TMEM165: variants seen among roughly 807,000 people sequenced by gnomAD.
TMEM165 encodes putative divalent cation/proton antiporter TMEM165.
Under a neutral mutation model 30.0 loss-of-function variants are expected in TMEM165, and 19 were observed. That is an observed-to-expected ratio of 0.63 (90% confidence interval 0.44 to 0.93). The LOEUF (loss-of-function observed/expected upper bound fraction) is 0.93. Ranked by LOEUF, TMEM165 falls within the 40% of genes least tolerant of loss-of-function variation. TMEM165 has a pLI of 0.00. For missense variants in TMEM165, 340 were observed against 417.0 expected, an observed-to-expected ratio of 0.82 and a Z score of 1.61; for synonymous variants, 168 against 162.9, an observed-to-expected ratio of 1.03 and a Z score of -0.24.
intron 1 of TMEM165, among the ~76,000 whole-genome samples, chr4:55,400,276 TA>T (rs1354883746): frequency 0.014 from 1,484 of 106,566 alleles, 18 homozygotes; most frequent in Middle Eastern, 0.047. Context: ...ATATATAATA[TA>T]ATATTATATA....
At chr4:55,410,495 G>A (rs1721445663) in intron 1 of TMEM165, among the ~76,000 whole-genome samples, 1 of 151,944 alleles carries the variant, frequency 6.6e-6, no homozygotes, top group Non-Finnish European at 1.5e-5. Context: ...TGCAACCTCC[G>A]CCTCCCAGGT....
At position 55,396,262 on chromosome 4, in the gene TMEM165, C is replaced by CT; in HGVS notation, c.74dup (p.Trp26ValfsTer12). The CT allele has an allele frequency of 6.6e-7, 1 of 1,519,118 alleles. No homozygotes were observed. The highest frequency in any genetic ancestry group is 2.0e-5 in the Admixed American group (1 of 49,052). 94.1% of individuals were successfully genotyped at this position (1,519,118 alleles called of 1,614,324 possible). A position where few individuals can be genotyped will look rare whatever the true frequency, so the allele number is the denominator to read the frequency against. ...GCTTCTGCTCTTTCTGGTTCCGCTG[C>CT]TGTGGGCCCCGGCTGCGGTCCGGGC... On this transcript the variant is annotated frameshift_variant, in exon 1 of 6. Transcript: ENST00000381334. LOFTEE classifies it high-confidence loss of function.
intron 3 of TMEM165, chr4:55,442,446 C>G: frequency 6.2e-7 from 1 of 1,607,768 alleles, no homozygotes; most frequent in African/African-American, 1.4e-5. Context: ...TCTGCCTGTC[C>G]TGAGTGAATG....
intron 3 of TMEM165, among the ~76,000 whole-genome samples, chr4:55,440,771 G>A (rs945717135): frequency 8.6e-5 from 13 of 151,966 alleles, no homozygotes; most frequent in South Asian, 2.1e-4. Flanking sequence ...ATCTGCTTTC[G>A]TGTAACTCAC....
chr4:55,426,829 G>C (rs1722223395), downstream of TMEM165, among the ~76,000 whole-genome samples: 1 of 152,186 alleles, frequency 6.6e-6, no homozygotes, highest in Admixed American at 6.5e-5. Flanking sequence ...CTACTGTGGA[G>C]ATCTTAAGAG....
intron 1 of TMEM165, 99 bp from the exon 2 acceptor site, chr4:55,411,515 A>C: frequency 9.2e-7 from 1 of 1,091,372 alleles, no homozygotes; most frequent in Non-Finnish European, 1.3e-6. Flanking sequence ...TGTAATGACC[A>C]TGACAAGAAA....
chr4:55,419,737 A>C (rs189999163), intron 4 of TMEM165, among the ~76,000 whole-genome samples: 4 of 152,140 alleles, frequency 2.6e-5, no homozygotes, highest in East Asian at 1.9e-4. Flanking sequence ...AATTGTTTCT[A>C]ATTCCTTGGA....
chr4:55,403,802 T>C (rs1721149990), intron 1 of TMEM165, among the ~76,000 whole-genome samples: 1 of 152,192 alleles, frequency 6.6e-6, no homozygotes, highest in Admixed American at 6.5e-5. Flanking sequence ...CTGTACTGTC[T>C]GCCTTTTTCA....
At chr4:55,420,133 ATTTATTTATTTAT>A (rs1356299738) in intron 4 of TMEM165, among the ~76,000 whole-genome samples, 1,626 of 52,258 alleles carry the variant, frequency 0.031, 91 homozygotes, top group East Asian at 0.13. Context: ...ATATATATTT[ATTTATTTATTTAT>A]TTTATTTATT....
At chr4:55,402,795 C>CTTTTTTTTTTTTTTTTTTTTTTTTTTTT (rs71194554) in intron 1 of TMEM165, among the ~76,000 whole-genome samples, 1 of 71,400 alleles carries the variant, frequency 1.4e-5, no homozygotes, top group Non-Finnish European at 2.4e-5. Context: ...TTAAAAAAAG[C>CTTTTTTTTTTTTTTTTTTTTTTTTTTTT]TTTTTTTTTT....
chr4:55,448,586 G>A (rs1448511695), intron 3 of TMEM165, among the ~76,000 whole-genome samples: 6 of 74,656 alleles, frequency 8.0e-5, no homozygotes, highest in African/African-American at 9.1e-5. Context: ...ATATATGTGC[G>A]CGCGCGCACG....
intron 3 of TMEM165, chr4:55,450,280 G>A: frequency 6.2e-7 from 1 of 1,610,290 alleles, no homozygotes; most frequent in East Asian, 2.2e-5. Context: ...TCAGTTCAGA[G>A]ATCTCAAATT....
chr4:55,398,244 A>C (rs1720814225), intron 1 of TMEM165, among the ~76,000 whole-genome samples: 1 of 152,246 alleles, frequency 6.6e-6, no homozygotes, highest in Non-Finnish European at 1.5e-5. Context: ...GTACTCAGGA[A>C]GAAGTTGAAT....
intron 3 of TMEM165, among the ~76,000 whole-genome samples, chr4:55,437,590 T>C (rs1290252920): frequency 6.6e-6 from 1 of 152,346 alleles, no homozygotes; most frequent in East Asian, 1.9e-4. Flanking sequence ...AAATAACAGC[T>C]AGCCATGTGC....
chr4:55,411,660 C>T lies in TMEM165; in HGVS notation c.254C>T (p.Pro85Leu). ...CCAGTTCATACCAATAAAGAAGATC[C>T]TGCTACCCAAACTAATTTGGGATTT... is the stretch of plus-strand genomic sequence containing the variant. The part of the protein sequence containing the change: ...AAPVHTNKED[P>L]ATQTNLGFIH... Residue 85 changes from proline (P) to leucine (L), a missense_variant, in exon 2 of 6, where the codon CCT becomes CTT. Transcript: ENST00000381334. 6.2e-7 allele frequency: 1 copy of T among 1,614,094 alleles called. No homozygotes were observed. The highest frequency in any genetic ancestry group is 8.5e-7 in the Non-Finnish European group (1 of 1,180,014).
chr4:55,411,984 C>T (rs1721521679), intron 2 of TMEM165, 145 bp downstream of exon 2: 2 of 679,964 alleles, frequency 2.9e-6, no homozygotes, highest in African/African-American at 3.6e-5. Flanking sequence ...CCTTGTGTAT[C>T]CTTTCCTTGT....
chr4:55,435,296 C>A, intron 3 of TMEM165: 3 of 1,178,930 alleles, frequency 2.5e-6, no homozygotes, highest in South Asian at 2.6e-5. Context: ...GGAACTAGAA[C>A]ACTCAATACT....
chr4:55,443,427 G>A (rs955672070), intron 3 of TMEM165, among the ~76,000 whole-genome samples: 1 of 147,940 alleles, frequency 6.8e-6, no homozygotes, highest in South Asian at 2.2e-4. Flanking sequence ...GTAATCTAAG[G>A]TCACGCCATT....
In TMEM165 at chr4:55,439,080, T is replaced by G. The variant is rs566822986; in HGVS notation, c.409-13159T>G. On this transcript the variant is annotated intron_variant, in intron 3 of 3. Transcript: ENST00000608091. ...ACAGAGTAAAAAGGTAACTGTCCCA[T>G]CCCACAGATGGGAGAAAATATCTGC... Among the ~76,000 whole-genome samples the G allele has an allele frequency of 7.2e-5, 11 of 152,264 alleles. No homozygotes were observed. In the East Asian group the frequency reaches 1.4e-3, roughly 19 times the overall value.
Sources: gnomAD v4.1 joint callset for allele counts (sites outside exome capture counted in the v4.1 genomes callset) on GRCh38, gnomAD v4.1.1 for gene constraint, MANE v1.5 for transcripts, NCBI Gene and HGNC (gene_info 2026-07-23, HGNC 2026-07-21) for gene names.